ASXL3: variants seen among roughly 807,000 people sequenced by gnomAD.
ASXL3 encodes the protein putative Polycomb group protein ASXL3.
ASXL3 carries 34 observed loss-of-function variants against 170.6 expected under a neutral mutation model. That is an observed-to-expected ratio of 0.20 (90% confidence interval 0.15 to 0.27). ASXL3 has a LOEUF of 0.27. ASXL3 is among the 10% of genes least tolerant of loss of function. The pLI is 1.00. For missense variants in ASXL3, 2,592 were observed against 2,695.3 expected, an observed-to-expected ratio of 0.96 and a Z score of 0.85; for synonymous variants, 1,002 against 989.1, an observed-to-expected ratio of 1.01 and a Z score of -0.24.
chr18:33,581,982 A>C (rs1176623395), intron 1 of ASXL3, among the ~76,000 whole-genome samples: 5 of 152,044 alleles, frequency 3.3e-5, no homozygotes, highest in Admixed American at 3.3e-4. Context: ...TTCAGGCTTT[A>C]GCCTCCTCCC....
intron 2 of ASXL3, among the ~76,000 whole-genome samples, chr18:33,641,024 G>A (rs1189922940): frequency 2.0e-5 from 3 of 151,930 alleles, no homozygotes; most frequent in Non-Finnish European, 2.9e-5. Context: ...AAATCATTAT[G>A]TTATATATAA....
intron 2 of ASXL3, among the ~76,000 whole-genome samples, chr18:33,615,628 A>G (rs1337683006): frequency 6.6e-6 from 1 of 152,154 alleles, no homozygotes; most frequent in East Asian, 1.9e-4. Flanking sequence ...ATAAAGTGAA[A>G]CACACAAAAC....
intron 2 of ASXL3, chr18:33,614,183 G>C (rs995400215): frequency 9.2e-5 from 14 of 152,126 alleles, no homozygotes; most frequent in Admixed American, 5.2e-4. Flanking sequence ...AGTTTAACTG[G>C]AGTCAGCCCT....
intron 7 of ASXL3, among the ~76,000 whole-genome samples, chr18:33,678,680 T>G (rs961098341): frequency 6.6e-6 from 1 of 152,184 alleles, no homozygotes; most frequent in African/African-American, 2.4e-5. Context: ...TAAGTGGGAA[T>G]TAAACGCTAA....
chr18:33,594,947 C>A (rs2065112203), intron 1 of ASXL3, among the ~76,000 whole-genome samples: 1 of 151,954 alleles, frequency 6.6e-6, no homozygotes, highest in African/African-American at 2.4e-5. Context: ...GCTGGGAGTT[C>A]TTTGAGTTGG....
intron 2 of ASXL3, among the ~76,000 whole-genome samples, chr18:33,624,176 A>T (rs1213634824): frequency 3.3e-5 from 5 of 152,118 alleles, no homozygotes; most frequent in African/African-American, 1.2e-4. Context: ...AATTAAAAAG[A>T]AAAACTAATT....
At chr18:33,687,238 A>C (rs983899304) in intron 8 of ASXL3, among the ~76,000 whole-genome samples, 1 of 152,166 alleles carries the variant, frequency 6.6e-6, no homozygotes, top group Admixed American at 6.5e-5. Flanking sequence ...CTTTTCTAGC[A>C]GAAAGGGACG....
chr18:33,695,757 T>C (rs2066764578), intron 8 of ASXL3, among the ~76,000 whole-genome samples: 1 of 152,152 alleles, frequency 6.6e-6, no homozygotes, highest in African/African-American at 2.4e-5. Context: ...TCTTTCTCTT[T>C]TGTACAGGCT....
rs201107680 is a variant in ASXL3 at position 33,740,135 on chromosome 18, G to A, written c.2731G>A (p.Val911Met). The A allele has an allele frequency of 8.5e-4, 1,366 of 1,613,900 alleles. 7 individuals carry two copies. The highest frequency in any genetic ancestry group is 7.4e-3 in the Middle Eastern group (45 of 6,062). The stretch of plus-strand genomic sequence containing the variant: ...ACAGGACAAGCAATATATCTCATCA[G>A]TGGATAAGGCTCCATTTTCAGAAGG... ...KLQDKQYISS[V>M]DKAPFSEGSR... Residue 911 changes from valine to methionine, a missense_variant, in exon 11 of 12, where the codon GTG (valine) becomes ATG (methionine). This residue lies in a region of ASXL3 where 2,246 missense variants were observed against 2,219.6 expected (regional missense o/e 1.01). Transcript: ENST00000269197.
At chr18:33,677,155 C>G (rs531105451) in intron 7 of ASXL3, among the ~76,000 whole-genome samples, 2 of 151,982 alleles carry the variant, frequency 1.3e-5, no homozygotes, top group Admixed American at 1.3e-4. Context: ...GGATTCATTC[C>G]AATGTATTTT....
chr18:33,740,474 C>G (rs764962198), intron 11 of ASXL3, 31 bp downstream of exon 11: 4 of 1,480,386 alleles, frequency 2.7e-6, no homozygotes, highest in Non-Finnish European at 3.6e-6. Context: ...AAGGCAATTC[C>G]GTAGATAGGC....
At chr18:33,636,595 G>T (rs2065769859) in intron 2 of ASXL3, among the ~76,000 whole-genome samples, 1 of 152,130 alleles carries the variant, frequency 6.6e-6, no homozygotes, top group South Asian at 2.1e-4. Flanking sequence ...GGTGAACGTA[G>T]TTGGGGCTTT....
chr18:33,731,837 C>T, intron 8 of ASXL3, 131 bp from the exon 9 acceptor site: 1 of 623,186 alleles, frequency 1.6e-6, no homozygotes, highest in South Asian at 2.1e-5. Flanking sequence ...TCTCCTTTCT[C>T]TGTCTCCTTC....
At chr18:33,607,315 T>C (rs1352236224) in intron 1 of ASXL3, among the ~76,000 whole-genome samples, 1 of 151,966 alleles carries the variant, frequency 6.6e-6, no homozygotes, top group Admixed American at 6.6e-5. Context: ...ATTATATACA[T>C]TTGTTAACTT....
intron 2 of ASXL3, among the ~76,000 whole-genome samples, chr18:33,633,191 A>G (rs2065706390): frequency 6.6e-6 from 1 of 152,250 alleles, no homozygotes; most frequent in African/African-American, 2.4e-5. Context: ...GGAAGTAGCT[A>G]TTAAAATTTA....
intron 7 of ASXL3, among the ~76,000 whole-genome samples, chr18:33,674,661 C>T (rs1051699274): frequency 5.9e-5 from 9 of 151,872 alleles, no homozygotes; most frequent in South Asian, 2.1e-4. Flanking sequence ...TCTGTCGCTC[C>T]AGACTGGAGT....
At chr18:33,601,572 G>T (rs2065183328) in intron 1 of ASXL3, among the ~76,000 whole-genome samples, 1 of 151,342 alleles carries the variant, frequency 6.6e-6, no homozygotes. Flanking sequence ...AAATTAACTT[G>T]GTCTTTGTTT....
chr18:33,619,629 G>A (rs2145149945), intron 2 of ASXL3, among the ~76,000 whole-genome samples: 2 of 152,108 alleles, frequency 1.3e-5, no homozygotes, highest in South Asian at 4.2e-4. Flanking sequence ...TGCTCTGAGG[G>A]CAGGAAACGT....
intron 8 of ASXL3, among the ~76,000 whole-genome samples, chr18:33,700,753 G>A (rs1461025463): frequency 1.3e-5 from 2 of 152,090 alleles, no homozygotes; most frequent in Non-Finnish European, 2.9e-5. Flanking sequence ...ACTATAGATT[G>A]AGCTTTAGCC....
Sources: allele counts gnomAD v4.1 joint callset (sites outside exome capture counted in the v4.1 genomes callset), GRCh38; gene constraint gnomAD v4.1.1; regional missense constraint gnomAD v4.1.1; transcripts MANE v1.5; gene names NCBI Gene and HGNC (gene_info 2026-07-23, HGNC 2026-07-21).